The following KCNK9 variants were observed in gnomAD, a reference collection of about 807,000 sequenced individuals.
KCNK9 encodes the protein potassium channel subfamily K member 9.
A neutral mutation model predicts 10.8 loss-of-function variants in KCNK9; 1 was observed. The observed-to-expected ratio is 0.09, with a 90% confidence interval of 0.03 to 0.44. The LOEUF (loss-of-function observed/expected upper bound fraction) is 0.44, where lower values mean the gene tolerates loss of function less well. Among genes scored for constraint, KCNK9 ranks in the 20% least tolerant of loss-of-function variants. The pLI is 0.97. For synonymous variants in KCNK9, 231 were observed against 222.7 expected (o/e 1.04, Z -0.33); for missense variants, 303 against 515.0 (o/e 0.59, Z 3.98).
chr8:139,654,445 G>A (rs1193928223), intron 1 of KCNK9, among the ~76,000 whole-genome samples: 3 of 152,164 alleles, frequency 2.0e-5, no homozygotes, highest in African/African-American at 7.2e-5. Context: ...CCCTGGTGTT[G>A]TCTGACCCAT....
intron 1 of KCNK9, among the ~76,000 whole-genome samples, chr8:139,622,366 C>CT (rs1814815318): frequency 6.6e-6 from 1 of 152,146 alleles, no homozygotes; most frequent in Admixed American, 6.5e-5. Flanking sequence ...CCTATTTAGG[C>CT]GTTCCCAGCC....
In KCNK9 at chr8:139,617,148, T is replaced by C. The variant is rs756741414; in HGVS notation, c.*1110A>G. On this transcript the variant is annotated 3_prime_UTR_variant, in exon 2 of 2. Coordinates refer to ENST00000520439, the MANE Select transcript of KCNK9 (RefSeq NM_001282534.2). ...TCTTGAAATAGATATGTATTTTTAA[T>C]GAGGAATGCCCTGTCAATTTTCATG... 6.6e-6 allele frequency: 1 copy of C among 152,218 alleles called. No individual in the cohort carries two copies. Among genetic ancestry groups the C allele is most frequent in the Non-Finnish European group, 1.5e-5 (1 of 68,038 alleles). 9.4% of individuals were successfully genotyped at this position (152,218 alleles called of 1,614,324 possible). A position where few individuals can be genotyped will look rare whatever the true frequency, so the allele number is the denominator to read the frequency against.
rs201172596 is a variant in KCNK9 at position 139,660,455 on chromosome 8, T to C, written c.284-41356A>G. On this transcript the variant is annotated intron_variant, in intron 1 of 1. Transcript: ENST00000520439. ...CCCGTCTCTGCTAAAAAAAAATATATATATATATATATATATTAGCCGGGC... is the reference window on the plus strand; with the variant it reads ...CCCGTCTCTGCTAAAAAAAAATATACATATATATATATATATTAGCCGGGC... 4.7e-5 allele frequency among the ~76,000 whole-genome samples: 5 copies of C among 105,438 alleles called. No individual in the cohort carries two copies. In the East Asian group the frequency reaches 5.2e-3, roughly 109 times the overall value. The allele number at this position is 105,438 out of a possible 152,430, so 69.2% of individuals were successfully genotyped here. A position where few individuals can be genotyped will look rare whatever the true frequency, so the allele number is the denominator to read the frequency against.
At chr8:139,692,784 C>G (rs562753075) in intron 1 of KCNK9, among the ~76,000 whole-genome samples, 1 of 152,214 alleles carries the variant, frequency 6.6e-6, no homozygotes, top group Non-Finnish European at 1.5e-5. Context: ...CCCCCACGTC[C>G]AACTGAATGC....
chr8:139,642,615 C>T (rs773428585), intron 1 of KCNK9, among the ~76,000 whole-genome samples: 16 of 152,238 alleles, frequency 1.1e-4, no homozygotes, highest in Non-Finnish European at 1.9e-4. Flanking sequence ...CGGGCACACC[C>T]AGGCAAAGAG....
Position 139,618,086 on chromosome 8 carries a change from T to C in KCNK9, c.*172A>G, listed in dbSNP as rs868789777. ...GTATTTCCCTTTGGCCTGCTCTGTC[T>C]GGCTGGAAAGGTGGGGGAAAATGAG... On this transcript the variant is annotated 3_prime_UTR_variant, in exon 2 of 2. Coordinates refer to ENST00000520439, the MANE Select transcript of KCNK9 (RefSeq NM_001282534.2). The surrounding 1 kb of genome is among the most constrained non-coding windows in gnomAD (Gnocchi z 7.9). The C allele has an allele frequency of 5.3e-5, 47 of 882,446 alleles. 1 individual carries two copies. The Middle Eastern group carries it at 1.0e-3, about 19-fold the overall frequency. 54.7% of individuals were successfully genotyped at this position (882,446 alleles called of 1,614,324 possible).
intron 2 of KCNK9, among the ~76,000 whole-genome samples, chr8:139,607,328 C>G (rs1814254653): frequency 6.6e-6 from 1 of 152,218 alleles, no homozygotes; most frequent in African/African-American, 2.4e-5. Flanking sequence ...ACTTGATCGT[C>G]TAGCTCACCT....
chr8:139,607,380 G>A (rs999474999), intron 2 of KCNK9, among the ~76,000 whole-genome samples: 4 of 152,294 alleles, frequency 2.6e-5, no homozygotes, highest in East Asian at 1.9e-4. Context: ...CATGCTCAAC[G>A]TGCTCAGTCA....
chr8:139,619,115 GAGA>G lies in KCNK9; in HGVS notation c.284-19_284-17del. 6.2e-7 allele frequency: 1 copy of G among 1,613,382 alleles called. No homozygotes were observed. Among genetic ancestry groups the G allele is most frequent in the Non-Finnish European group, 8.5e-7 (1 of 1,179,962 alleles). ...TGCCCATAACCTGTGGGAAGGGGAT[GAGA>G]AGAACAGAGAGAGCAAGTGAGGAGG... On this transcript the variant is annotated splice_polypyrimidine_tract_variant and intron_variant, in intron 1 of 1. Transcript: ENST00000520439.
chr8:139,642,123 C>T (rs1815523350), intron 1 of KCNK9, among the ~76,000 whole-genome samples: 1 of 152,214 alleles, frequency 6.6e-6, no homozygotes, highest in South Asian at 2.1e-4. Context: ...AAGTGTCCTC[C>T]TGTTAGCCAC....
intron 1 of KCNK9, among the ~76,000 whole-genome samples, chr8:139,682,421 G>A (rs1048379243): frequency 9.9e-5 from 15 of 152,196 alleles, no homozygotes; most frequent in Admixed American, 9.2e-4. Context: ...AGGGTGGCAG[G>A]TGCTGAACTG....
At chr8:139,610,589 C>G (rs747195774), downstream of KCNK9, among the ~76,000 whole-genome samples, 9 of 152,224 alleles carry the variant, frequency 5.9e-5, no homozygotes, top group Non-Finnish European at 1.2e-4. Flanking sequence ...CCTGTCAAAA[C>G]CCCACCCAAA....
chr8:139,672,862 C>G (rs1201888695), intron 1 of KCNK9, among the ~76,000 whole-genome samples: 1 of 152,218 alleles, frequency 6.6e-6, no homozygotes, highest in African/African-American at 2.4e-5. Context: ...CCCCGGGGCA[C>G]CTGCGTGGGT....
chr8:139,637,606 G>T (rs1361646976), intron 1 of KCNK9, among the ~76,000 whole-genome samples: 1 of 152,162 alleles, frequency 6.6e-6, no homozygotes, highest in Admixed American at 6.5e-5. Context: ...TTAATAAAGG[G>T]CAGGGAAACA....
At chr8:139,668,232 T>C (rs910752938) in intron 1 of KCNK9, among the ~76,000 whole-genome samples, 25 of 152,132 alleles carry the variant, frequency 1.6e-4, no homozygotes, top group Admixed American at 3.3e-4. Context: ...AATTAACTCA[T>C]GGCTTAATAC....
exon 3 of KCNK9, chr8:139,601,163 C>T (rs1251219964): frequency 2.0e-5 from 3 of 152,188 alleles, no homozygotes; most frequent in Non-Finnish European, 1.5e-5. Context: ...TTTATGAACG[C>T]GATTCTTGGT....
At position 139,618,886 on chromosome 8, in the gene KCNK9, G is replaced by C. The variant is rs1814686097; in HGVS notation, c.497C>G (p.Ser166Cys). Residue 166 changes from serine to cysteine, a missense_variant, in exon 2 of 2, where the codon TCC (serine) becomes TGC (cysteine). By Grantham distance (112) the Ser-to-Cys change is moderately radical. Coordinates refer to ENST00000520439, the MANE Select transcript of KCNK9 (RefSeq NM_001282534.2). The surrounding 1 kb of genome is among the most constrained non-coding windows in gnomAD (Gnocchi z 7.9). Reference protein sequence around the residue: ...MENMVTVGFFSCMGTLCIGAA... With the variant: ...MENMVTVGFFCCMGTLCIGAA... ...CCCGATGCACAGCGTCCCCATGCAG[G>C]AGAAGAAGCCCACAGTCACCATGTT... is the stretch of plus-strand genomic sequence containing the variant. 6.2e-7 allele frequency: 1 copy of C among 1,614,086 alleles called. No homozygotes were observed. The highest frequency in any genetic ancestry group is 8.5e-7 in the Non-Finnish European group (1 of 1,180,046).
At chr8:139,681,854 CGGCCTGGACAGTCA>C (rs1365837249) in intron 1 of KCNK9, among the ~76,000 whole-genome samples, 1 of 152,200 alleles carries the variant, frequency 6.6e-6, no homozygotes, top group Non-Finnish European at 1.5e-5. Flanking sequence ...GCATCTTATG[CGGCCTGGACAGTCA>C]CAGCCATGCC....
intron 1 of KCNK9, among the ~76,000 whole-genome samples, chr8:139,660,040 A>G (rs1816112488): frequency 6.6e-6 from 1 of 152,146 alleles, no homozygotes; most frequent in Non-Finnish European, 1.5e-5. Flanking sequence ...GCACCTTCAT[A>G]TTCTGTCTTC....
Sources: gnomAD v4.1 joint callset for allele counts (sites outside exome capture counted in the v4.1 genomes callset) on GRCh38, gnomAD v4.1.1 for gene constraint, Gnocchi (gnomAD v3.1) non-coding constraint, MANE v1.5 for transcripts, NCBI Gene and HGNC (gene_info 2026-07-23, HGNC 2026-07-21) for gene names.